Variants in BICC1 observed in about 807,000 individuals in gnomAD.
BICC1 encodes BicC family RNA binding protein 1, also known as protein bicaudal C homolog 1.
Under a neutral mutation model 111.0 loss-of-function variants are expected in BICC1, and 43 were observed. The observed-to-expected ratio is 0.39, with a 90% CI of 0.30 to 0.50. The LOEUF is 0.50. BICC1 is among the 20% of genes least tolerant of loss of function. The pLI, the probability that BICC1 is intolerant of heterozygous loss-of-function variation, is 0.88. For synonymous variants in BICC1, 467 were observed against 434.4 expected (o/e 1.07, Z -0.93); for missense variants, 1,091 against 1,203.2 (o/e 0.91, Z 1.38).
intron 1 of BICC1, among the ~76,000 whole-genome samples, chr10:58,529,629 A>T (rs1649092): frequency 0.43 from 65,730 of 151,538 alleles, 16,013 homozygotes; most frequent in Admixed American, 0.62. Flanking sequence ...AGGAGGAATC[A>T]TGTAAAGACA....
chr10:58,589,637 A>G (rs534088038), intron 1 of BICC1, among the ~76,000 whole-genome samples: 128 of 151,482 alleles, frequency 8.4e-4, no homozygotes, highest in Non-Finnish European at 1.5e-3. Context: ...ATGCCTGCTG[A>G]TTTTGTTCTT....
At chr10:58,769,010 C>T (rs1842535866) in intron 3 of BICC1, among the ~76,000 whole-genome samples, 1 of 151,978 alleles carries the variant, frequency 6.6e-6, no homozygotes, top group Non-Finnish European at 1.5e-5. Flanking sequence ...ACCTGGAGGA[C>T]ATTATGTTAA....
chr10:58,823,306 T>C, intron 20 of BICC1: 4 of 985,168 alleles, frequency 4.1e-6, no homozygotes, highest in Non-Finnish European at 4.8e-6. Flanking sequence ...AAGAAAAAGG[T>C]TGGTATTTTC....
At chr10:58,705,660 A>G (rs985865824) in intron 3 of BICC1, among the ~76,000 whole-genome samples, 2 of 152,356 alleles carry the variant, frequency 1.3e-5, no homozygotes, top group Non-Finnish European at 1.5e-5. Flanking sequence ...AGGGAAGTGC[A>G]TGTTTTGTGA....
chr10:58,620,749 A>C lies in BICC1; in HGVS notation c.191-106A>C, dbSNP rs560035940. 19 of 1,024,132 alleles carry C rather than the reference A, an allele frequency of 1.9e-5. No homozygotes were observed. The African/African-American group carries it at 3.0e-4, about 16-fold the overall frequency. 63.4% of individuals were successfully genotyped at this position (1,024,132 alleles called of 1,614,324 possible). The stretch of plus-strand genomic sequence containing the variant: ...AGCAGGCACTGAGCTGTGGGAGAGC[A>C]AGGCTGGCATCTTGTTTGCTTTTGC... On this transcript the variant is annotated intron_variant, in intron 1 of 20. Transcript: ENST00000373886.
intron 3 of BICC1, among the ~76,000 whole-genome samples, chr10:58,755,828 C>T (rs1292055844): frequency 6.6e-6 from 1 of 152,114 alleles, no homozygotes; most frequent in Non-Finnish European, 1.5e-5. Flanking sequence ...GCATTGGCCA[C>T]ACCTGCTTTC....
rs113706990 is a variant in BICC1 at position 58,827,655 on chromosome 10, C to T, written c.2795-1106C>T. 1.7e-3 allele frequency among the ~76,000 whole-genome samples: 255 copies of T among 151,806 alleles called. 2 individuals carry two copies. Among genetic ancestry groups the T allele is most frequent in the African/African-American group, 5.8e-3 (242 of 41,378 alleles). On this transcript the variant is annotated intron_variant, in intron 20 of 20. Transcript: ENST00000373886. ...GTTAGACAGTCTGGCAGAAGAGTTCCGATTATTCAAGACTACTTCTGATTT... is the reference window on the plus strand; with the variant it reads ...GTTAGACAGTCTGGCAGAAGAGTTCTGATTATTCAAGACTACTTCTGATTT...
At chr10:58,603,236 G>A (rs1335532645) in intron 1 of BICC1, among the ~76,000 whole-genome samples, 1 of 152,070 alleles carries the variant, frequency 6.6e-6, no homozygotes, top group Non-Finnish European at 1.5e-5. Flanking sequence ...TGTAATCATG[G>A]GGTTAAGTTA....
rs116478194 is a variant in BICC1, at chr10:58,792,821, C to T, written c.1048-663C>T. On this transcript the variant is annotated intron_variant, in intron 8 of 20. Coordinates refer to ENST00000373886, the MANE Select transcript of BICC1 (RefSeq NM_001080512.3). ...TAAAGTGCCGAATAAATGTAATGTG[C>T]TTGAATCATCTGAAACCATCCCCCT... 5.2e-3 allele frequency among the ~76,000 whole-genome samples: 788 copies of T among 152,204 alleles called. 10 individuals are homozygous for T. Among genetic ancestry groups the T allele is most frequent in the African/African-American group, 0.018 (753 of 41,508 alleles).
intron 1 of BICC1, among the ~76,000 whole-genome samples, chr10:58,549,395 G>A (rs1843229828): frequency 6.6e-6 from 1 of 152,156 alleles, no homozygotes; most frequent in Non-Finnish European, 1.5e-5. Flanking sequence ...ATGGTATACA[G>A]CTTTTGCATT....
At chr10:58,678,193 A>G (rs534428366) in intron 2 of BICC1, among the ~76,000 whole-genome samples, 1 of 152,334 alleles carries the variant, frequency 6.6e-6, no homozygotes, top group East Asian at 1.9e-4. Flanking sequence ...TTCACACATA[A>G]CAATATTAAC....
Position 58,672,057 on chromosome 10 carries a change from T to C in BICC1, c.238-30017T>C, listed in dbSNP as rs1346056532. Among the ~76,000 whole-genome samples the C allele has an allele frequency of 2.0e-5, 3 of 152,184 alleles. No individual in the cohort carries two copies. The East Asian group carries it at 5.8e-4, about 29-fold the overall frequency. On this transcript the variant is annotated intron_variant, in intron 2 of 20. Transcript: ENST00000373886. ...GCAGTGTCTAAATGTTGGAATTTTT[T>C]AAGGTTTAGTTTTTATTGTGGTAGC... is the stretch of plus-strand genomic sequence containing the variant.
chr10:58,787,930 A>G (rs1422656350), intron 5 of BICC1, among the ~76,000 whole-genome samples: 1 of 152,170 alleles, frequency 6.6e-6, no homozygotes, highest in Admixed American at 6.6e-5. Context: ...AGTAAGCTCG[A>G]GGTAGATGTT....
intron 3 of BICC1, among the ~76,000 whole-genome samples, chr10:58,773,178 A>C (rs1002966120): frequency 1.3e-5 from 2 of 152,186 alleles, no homozygotes; most frequent in African/African-American, 4.8e-5. Context: ...AATTTTTCTA[A>C]AAAAGTGTAT....
At chr10:58,586,633 CAAAAA>C (rs5785328) in intron 1 of BICC1, among the ~76,000 whole-genome samples, 1 of 147,320 alleles carries the variant, frequency 6.8e-6, no homozygotes, top group Non-Finnish European at 1.5e-5. Context: ...AAAAAAAAAA[CAAAAA>C]AAAACCTCAT....
chr10:58,788,561 T>A, intron 6 of BICC1, 138 bp downstream of exon 6: 1 of 577,704 alleles, frequency 1.7e-6, no homozygotes, highest in Non-Finnish European at 3.1e-6. Context: ...GTTATTTTAG[T>A]GTCTATCTTA....
intron 19 of BICC1, among the ~76,000 whole-genome samples, chr10:58,818,909 T>C (rs892223097): frequency 1.3e-5 from 2 of 152,158 alleles, no homozygotes; most frequent in African/African-American, 4.8e-5. Flanking sequence ...TCTGGGTTTG[T>C]TTTCATCTAT....
At chr10:58,727,171 C>A (rs1350696955) in intron 3 of BICC1, among the ~76,000 whole-genome samples, 1 of 151,962 alleles carries the variant, frequency 6.6e-6, no homozygotes, top group Non-Finnish European at 1.5e-5. Context: ...ATGGAATTTT[C>A]TAGGGGACAG....
At chr10:58,746,689 T>C (rs1215161068) in intron 3 of BICC1, among the ~76,000 whole-genome samples, 2 of 152,156 alleles carry the variant, frequency 1.3e-5, no homozygotes, top group Admixed American at 1.3e-4. Context: ...TTCCTTTTCC[T>C]AAAGCAGAGC....
Sources: gnomAD v4.1 joint callset for allele counts (sites outside exome capture counted in the v4.1 genomes callset) on GRCh38, gnomAD v4.1.1 for gene constraint, MANE v1.5 for transcripts, NCBI Gene and HGNC (gene_info 2026-07-23, HGNC 2026-07-21) for gene names.